The following HDAC6 variants were observed in gnomAD, a reference collection of about 807,000 sequenced individuals.
HDAC6 encodes histone deacetylase 6, also known as protein deacetylase HDAC6.
A neutral mutation model predicts 88.9 loss-of-function variants in HDAC6; 5 were observed. The ratio of observed to expected loss-of-function variants is 0.06; its 90% confidence interval spans 0.03 to 0.12. The LOEUF is 0.12. HDAC6 is among the 10% of genes least tolerant of loss of function. The pLI is 1.00. For missense variants in HDAC6, 706 were observed against 1,014.4 expected (o/e 0.70, Z 4.13); for synonymous variants, 378 against 398.0 (o/e 0.95, Z 0.60).
intron 10 of HDAC6, among the ~76,000 whole-genome samples, chrX:48,811,468 T>C (rs1452363232): frequency 1.8e-5 from 2 of 112,200 alleles, no homozygotes; most frequent in Non-Finnish European, 3.8e-5. Flanking sequence ...TGAAGGCCCA[T>C]TGTAGGGGGC....
At position 48,823,655 on chromosome X, in the gene HDAC6, T is replaced by C. The variant is rs374888007; in HGVS notation, c.3190-17T>C. On this transcript the variant is annotated splice_polypyrimidine_tract_variant and intron_variant, in intron 25 of 28. Coordinates refer to ENST00000334136, the MANE Select transcript of HDAC6 (RefSeq NM_006044.4). ...AATCGGGCTTCTCTGATACATCTCT[T>C]ACTTCTGCGTGTCCAGGGGGCCTCA... is the stretch of plus-strand genomic sequence containing the variant. The C allele has an allele frequency of 7.5e-6, 9 of 1,193,052 alleles. No individual in the cohort carries two copies. Among genetic ancestry groups the C allele is most frequent in the Non-Finnish European group, 1.0e-5 (9 of 882,704 alleles).
At chrX:48,820,006 T>A in intron 22 of HDAC6, 100 bp from the exon 23 acceptor site, 4 of 858,352 alleles carry the variant, frequency 4.7e-6, no homozygotes, top group Non-Finnish European at 6.8e-6. Context: ...TCTCCATGTC[T>A]TCATTTGTCC....
intron 26 of HDAC6, 34 bp from the exon 27 acceptor site, chrX:48,823,888 C>A: frequency 8.3e-7 from 1 of 1,203,527 alleles, no homozygotes; most frequent in Non-Finnish European, 1.1e-6. Context: ...GAGATGGGGT[C>A]TTCAGCTTAC....
At chrX:48,801,828 C>T (rs1557022381), upstream of HDAC6, 4 of 967,068 alleles carry the variant, frequency 4.1e-6, no homozygotes, top group African/African-American at 2.0e-5. Context: ...AGTCGAGAGA[C>T]GAGGCCCAAT....
intron 10 of HDAC6, among the ~76,000 whole-genome samples, chrX:48,809,732 G>A (rs967020411): frequency 1.8e-5 from 2 of 109,766 alleles, no homozygotes; most frequent in African/African-American, 6.7e-5. Flanking sequence ...AACCCAGGAG[G>A]CAGAGGTTGC....
At chrX:48,818,634 G>A (rs1557028627) in intron 22 of HDAC6, among the ~76,000 whole-genome samples, 1 of 112,426 alleles carries the variant, frequency 8.9e-6, no homozygotes, top group Non-Finnish European at 1.9e-5. Context: ...GTGACACTGT[G>A]TGAGTGACTG....
At chrX:48,821,266 G>A (rs1307039310) in intron 23 of HDAC6, among the ~76,000 whole-genome samples, 2 of 107,512 alleles carry the variant, frequency 1.9e-5, no homozygotes, top group African/African-American at 6.8e-5. Flanking sequence ...AGAGTGCAGT[G>A]GTGCGATTGT....
At position 48,804,078 on chromosome X, in the gene HDAC6, G is replaced by A. The variant is rs782792317; in HGVS notation, c.311+862G>A. The stretch of plus-strand genomic sequence containing the variant: ...CTTGGGAGGCTGAGGCAGGAGAATC[G>A]CTTGATCTGGGAGGCGGAGGTTGCA... On this transcript the variant is annotated intron_variant, in intron 4 of 28. Transcript: ENST00000334136. Among the ~76,000 whole-genome samples, 284 of 111,637 alleles carry A rather than the reference G, an allele frequency of 2.5e-3. 1 individual carries two copies. The highest frequency in any genetic ancestry group is 8.9e-3 in the African/African-American group (275 of 30,730).
At chrX:48,801,746 C>A, upstream of HDAC6, 1 of 672,598 alleles carries the variant, frequency 1.5e-6, no homozygotes, top group Non-Finnish European at 2.0e-6. Flanking sequence ...TGTGAGCTCG[C>A]GAGAGGTGTG....
intron 10 of HDAC6, among the ~76,000 whole-genome samples, chrX:48,808,531 T>C (rs945171213): frequency 9.0e-6 from 1 of 111,468 alleles, no homozygotes; most frequent in Non-Finnish European, 1.9e-5. Flanking sequence ...ATTTTACAGA[T>C]AGGGGGACTG....
In HDAC6 at chrX:48,814,455, C is replaced by T. The variant is rs1557026664; in HGVS notation, c.822C>T (p.Ser274=). The T allele has an allele frequency of 8.3e-7, 1 of 1,211,414 alleles. No homozygotes were observed. The change falls in exon 11 of 29, where the codon TCC becomes TCT. Residue 274 remains serine (S), a synonymous_variant. Transcript: ENST00000334136. ...CTGCCCCCAGTGTCCTCTATTTCTCCATCCACCGCTACGAGCAGGGTAGGT... is the reference window on the plus strand; with the variant it reads ...CTGCCCCCAGTGTCCTCTATTTCTCTATCCACCGCTACGAGCAGGGTAGGT... ...FDQDPSVLYF[S]IHRYEQGRFW... is the part of the protein sequence containing the mutation.
chrX:48,801,919 A>G, upstream of HDAC6: 1 of 972,156 alleles, frequency 1.0e-6, no homozygotes, highest in South Asian at 2.0e-5. Flanking sequence ...AGTTTGAGAA[A>G]GGGGCTGCGT....
At chrX:48,818,721 G>A (rs1188649376) in intron 22 of HDAC6, among the ~76,000 whole-genome samples, 1 of 112,310 alleles carries the variant, frequency 8.9e-6, no homozygotes, top group African/African-American at 3.2e-5. Context: ...TTGTATGTGC[G>A]TGCCATCACA....
chrX:48,817,562 C>A, intron 20 of HDAC6, 103 bp downstream of exon 20: 1 of 799,244 alleles, frequency 1.3e-6, no homozygotes, highest in Non-Finnish European at 1.8e-6. Flanking sequence ...GCTCCCAGGA[C>A]TTCCTTCCCC....
intron 8 of HDAC6, among the ~76,000 whole-genome samples, chrX:48,807,143 T>C (rs2062830962): frequency 8.9e-6 from 1 of 112,198 alleles, no homozygotes. Flanking sequence ...TTCTCCTCCC[T>C]CCCCTGTTTT....
chrX:48,824,176 G>A lies in HDAC6; in HGVS notation c.3461G>A (p.Gly1154Asp). ...VCLSCYQVYC[G>D]RYINGHMLQH... is the part of the protein sequence containing the mutation. ...CACCCCCAACCTCAGGTCTACTGTG[G>A]TCGTTACATCAATGGCCACATGCTC... The change falls in exon 28 of 29, where the codon GGT becomes GAT. Residue 1154 changes from glycine to aspartate, a missense_variant. Coordinates refer to ENST00000334136, the MANE Select transcript of HDAC6 (RefSeq NM_006044.4). 8.3e-7 allele frequency: 1 copy of A among 1,210,484 alleles called. No homozygotes were observed. Among genetic ancestry groups the A allele is most frequent in the South Asian group, 1.8e-5 (1 of 56,678 alleles).
At chrX:48,816,363 G>A in intron 18 of HDAC6, 94 bp downstream of exon 18, 1 of 1,130,915 alleles carries the variant, frequency 8.8e-7, no homozygotes. Context: ...GGGAGCTGCT[G>A]CAGGACTTGA....
chrX:48,813,073 A>T (rs2062926378), intron 10 of HDAC6, among the ~76,000 whole-genome samples: 1 of 111,427 alleles, frequency 9.0e-6, no homozygotes, highest in Admixed American at 9.5e-5. Flanking sequence ...ACGCCCAGCA[A>T]ATTTTTTGTA....
chrX:48,815,790 TC>T, intron 16 of HDAC6, 93 bp from the exon 17 acceptor site: 3 of 1,065,591 alleles, frequency 2.8e-6, no homozygotes, highest in Non-Finnish European at 3.8e-6. Context: ...GTTTCAGGCC[TC>T]CCACCCCTTT....
Sources: allele counts gnomAD v4.1 joint callset (sites outside exome capture counted in the v4.1 genomes callset), GRCh38; gene constraint gnomAD v4.1.1; transcripts MANE v1.5; gene names NCBI Gene and HGNC (gene_info 2026-07-23, HGNC 2026-07-21).